SPICE1: variants seen among roughly 807,000 people sequenced by gnomAD.
SPICE1 encodes the protein spindle and centriole associated protein 1, also known as spindle and centriole-associated protein 1.
A neutral mutation model predicts 102.7 loss-of-function variants in SPICE1; 75 were observed. That is an observed-to-expected ratio of 0.73 (90% CI 0.61 to 0.88). SPICE1 has a LOEUF of 0.88. Ranked by LOEUF, SPICE1 falls within the 40% of genes least tolerant of loss-of-function variation. SPICE1 has a pLI of 0.00. For missense variants in SPICE1, 979 were observed against 1,020.1 expected (o/e 0.96, Z 0.55); for synonymous variants, 308 against 350.3 (o/e 0.88, Z 1.35).
intron 11 of SPICE1, among the ~76,000 whole-genome samples, chr3:113,461,114 A>G (rs1935923940): frequency 6.6e-6 from 1 of 151,992 alleles, no homozygotes; most frequent in Non-Finnish European, 1.5e-5. Context: ...TAACTCTTAA[A>G]CTACCCCCAA....
chr3:113,491,646 A>AAAT (rs1936771257), intron 6 of SPICE1, among the ~76,000 whole-genome samples: 1 of 150,280 alleles, frequency 6.7e-6, no homozygotes, highest in African/African-American at 2.5e-5. Context: ...AAAAAAAAAA[A>AAAT]AAAGATTATC....
At chr3:113,494,328 T>C (rs1286554575) in intron 4 of SPICE1, among the ~76,000 whole-genome samples, 186 bp from the exon 5 acceptor site, 1 of 152,142 alleles carries the variant, frequency 6.6e-6, no homozygotes, top group East Asian at 1.9e-4. Flanking sequence ...GGCTTTCCAA[T>C]ACCTGACTGA....
At chr3:113,499,635 C>G (rs1936970878) in intron 3 of SPICE1, 53 bp from the exon 4 acceptor site, 2 of 1,497,190 alleles carry the variant, frequency 1.3e-6, no homozygotes, top group Non-Finnish European at 1.8e-6. Context: ...AAAGAAGTTG[C>G]CTATTCAGAT....
intron 6 of SPICE1, among the ~76,000 whole-genome samples, chr3:113,492,045 T>A (rs1395771136): frequency 6.6e-6 from 1 of 152,212 alleles, no homozygotes. Context: ...TCACTTATGA[T>A]TTATTTAAAT....
chr3:113,447,670 C>A (rs1935548819), intron 16 of SPICE1, among the ~76,000 whole-genome samples: 1 of 152,128 alleles, frequency 6.6e-6, no homozygotes, highest in Non-Finnish European at 1.5e-5. Context: ...TCATATGACC[C>A]ATCTAGACAA....
intron 15 of SPICE1, among the ~76,000 whole-genome samples, chr3:113,448,460 A>G: frequency 6.6e-6 from 1 of 152,082 alleles, no homozygotes; most frequent in East Asian, 1.9e-4. Flanking sequence ...ATCTTTGTCC[A>G]AAAGAGCTTA....
At chr3:113,475,953 G>A (rs1936334844) in intron 7 of SPICE1, among the ~76,000 whole-genome samples, 1 of 152,000 alleles carries the variant, frequency 6.6e-6, no homozygotes, top group Non-Finnish European at 1.5e-5. Context: ...GGCAGGAGAA[G>A]GAAATAAAGG....
intron 6 of SPICE1, among the ~76,000 whole-genome samples, chr3:113,492,061 T>C (rs1405433515): frequency 6.6e-6 from 1 of 152,226 alleles, no homozygotes; most frequent in Non-Finnish European, 1.5e-5. Flanking sequence ...TAAATAAAAG[T>C]AAAATCTTCA....
intron 7 of SPICE1, among the ~76,000 whole-genome samples, chr3:113,470,097 T>C (rs1032558652): frequency 3.3e-5 from 5 of 152,234 alleles, no homozygotes; most frequent in African/African-American, 1.2e-4. Context: ...AAGGTTGATA[T>C]TTTAATTTTC....
At chr3:113,470,435 G>T (rs1936168439) in intron 7 of SPICE1, among the ~76,000 whole-genome samples, 1 of 152,208 alleles carries the variant, frequency 6.6e-6, no homozygotes, top group Admixed American at 6.5e-5. Context: ...TTCCAGGAAA[G>T]ACCTGTCTAT....
Position 113,493,192 on chromosome 3 carries a change from G to A in SPICE1, c.492+14C>T. The A allele has an allele frequency of 1.3e-6, 2 of 1,554,540 alleles. No homozygotes were observed. Among genetic ancestry groups the A allele is most frequent in the Non-Finnish European group, 8.7e-7 (1 of 1,143,340 alleles). ...TTCAGCATGAGTGTTATAGCTGTGA[G>A]TGGAACACATTACCTGAGGTTCTAT... On this transcript the variant is annotated intron_variant, in intron 6 of 17. Coordinates refer to ENST00000295872, the MANE Select transcript of SPICE1 (RefSeq NM_144718.4).
Position 113,460,687 on chromosome 3 carries a change from C to T in SPICE1, c.1365G>A (p.Val455=). The T allele has an allele frequency of 6.2e-7, 1 of 1,613,746 alleles. No individual in the cohort carries two copies. Among genetic ancestry groups the T allele is most frequent in the Non-Finnish European group, 8.5e-7 (1 of 1,179,884 alleles). ...SLTHAIKNCP[V]INNRQEIQAS... ...CCTGAATTTCTTGTCTGTTATTTAT[C>T]ACAGGACAGTTCTTAATAGCATGTG... Residue 455 remains valine (V), a synonymous_variant, in exon 12 of 18, where the codon GTG becomes GTA. Transcript: ENST00000295872.
At chr3:113,450,056 C>T (rs1309071660) in intron 15 of SPICE1, 4 of 381,694 alleles carry the variant, frequency 1.0e-5, no homozygotes, top group African/African-American at 2.0e-5. Flanking sequence ...CTAAGTGAAC[C>T]GTACACTATA....
At chr3:113,459,831 G>T (rs1001294267) in intron 12 of SPICE1, 4 of 963,350 alleles carry the variant, frequency 4.2e-6, no homozygotes, top group African/African-American at 3.5e-5. Context: ...GCAGTAAGCC[G>T]AGAGGGCGCC....
rs1201156685 is a variant in SPICE1, at chr3:113,445,309, A to G, written c.2566T>C (p.Ter856GlnextTer23). The change falls in exon 18 of 18, where the codon TAA becomes CAA. Residue 856 changes from the stop codon to glutamine, a stop_lost. Coordinates refer to ENST00000295872, the MANE Select transcript of SPICE1 (RefSeq NM_144718.4). ...AACTCAGTGAGACTTGACTTCACTT[A>G]TGATACATGGGTAGAAAGAGCAAAC... ...GWFALSTHVS[*>Q] 6.2e-6 allele frequency: 10 copies of G among 1,612,136 alleles called. No individual in the cohort carries two copies. The highest frequency in any genetic ancestry group is 8.5e-6 in the Non-Finnish European group (10 of 1,178,954).
At chr3:113,513,102 A>G (rs966981030) in intron 1 of SPICE1, among the ~76,000 whole-genome samples, 6 of 152,132 alleles carry the variant, frequency 3.9e-5, no homozygotes, top group African/African-American at 7.2e-5. Flanking sequence ...TCCCAAATCA[A>G]TGATTCACAC....
At chr3:113,457,412 C>A in intron 12 of SPICE1, 55 bp from the exon 13 acceptor site, 1 of 1,556,980 alleles carries the variant, frequency 6.4e-7, no homozygotes, top group Admixed American at 1.7e-5. Flanking sequence ...ACTATGAGCA[C>A]ATTTCAGGTA....
At chr3:113,448,180 A>G in intron 15 of SPICE1, 40 bp from the exon 16 acceptor site, 1 of 1,500,174 alleles carries the variant, frequency 6.7e-7, no homozygotes, top group Non-Finnish European at 9.0e-7. Context: ...TTACCTTTCA[A>G]TGAAATAAAA....
chr3:113,491,579 T>G (rs1472957489), intron 6 of SPICE1, among the ~76,000 whole-genome samples: 1 of 136,170 alleles, frequency 7.3e-6, no homozygotes, highest in East Asian at 2.1e-4. Flanking sequence ...GAGCCAAGAT[T>G]GCACCACTGC....
Sources: allele counts gnomAD v4.1 joint callset (sites outside exome capture counted in the v4.1 genomes callset), GRCh38; gene constraint gnomAD v4.1.1; transcripts MANE v1.5; gene names NCBI Gene and HGNC (gene_info 2026-07-23, HGNC 2026-07-21).